The following IFT74 variants were observed in gnomAD, a reference collection of about 807,000 sequenced individuals.
IFT74 encodes intraflagellar transport 74.
IFT74 carries 92 observed loss-of-function variants against 96.7 expected under a neutral mutation model. The ratio of observed to expected loss-of-function variants is 0.95; its 90% CI spans 0.80 to 1.13. IFT74 has a LOEUF of 1.13. Ranked by LOEUF, IFT74 falls within the 50% of genes most tolerant of loss-of-function variation. The probability of loss-of-function intolerance (pLI) is 0.00; values close to 1 mark genes in which losing one functional copy is unlikely to be tolerated. For synonymous variants in IFT74, 223 were observed against 213.2 expected, an observed-to-expected ratio of 1.05 and a Z score of -0.40; for missense variants, 811 against 698.2, an observed-to-expected ratio of 1.16 and a Z score of -1.82.
intron 2 of IFT74, among the ~76,000 whole-genome samples, chr9:26,963,592 C>T (rs1446840070): frequency 6.6e-6 from 1 of 150,982 alleles, no homozygotes; most frequent in African/African-American, 2.4e-5. Context: ...AAAAGTGTTC[C>T]TATTTCTCCA....
chr9:26,950,666 T>C (rs1825905276), intron 1 of IFT74, among the ~76,000 whole-genome samples: 1 of 152,226 alleles, frequency 6.6e-6, no homozygotes, highest in Non-Finnish European at 1.5e-5. Context: ...TCTGCAAAGG[T>C]AGTTTAAGTG....
At position 26,983,610 on chromosome 9, in the gene IFT74, A is replaced by G. The variant is rs188149357; in HGVS notation, c.306-647A>G. Among the ~76,000 whole-genome samples, 53 of 152,248 alleles carry G rather than the reference A, an allele frequency of 3.5e-4. No individual in the cohort carries two copies. In the East Asian group the frequency reaches 8.7e-3, roughly 25 times the overall value. ...GTTGAGAAACTGTGCTCTAGAGGGT[A>G]GTAGCAGCTGTGATGATGACAGTTA... On this transcript the variant is annotated intron_variant, in intron 4 of 19. Transcript: ENST00000380062.
At chr9:27,036,067 C>T (rs150315672) in intron 13 of IFT74, among the ~76,000 whole-genome samples, 1 of 152,130 alleles carries the variant, frequency 6.6e-6, no homozygotes, top group Non-Finnish European at 1.5e-5. Flanking sequence ...ATAAAGTAAG[C>T]TAGAGAAAAG....
At chr9:26,987,811 A>C (rs1454462791) in intron 6 of IFT74, among the ~76,000 whole-genome samples, 1 of 152,260 alleles carries the variant, frequency 6.6e-6, no homozygotes, top group African/African-American at 2.4e-5. Flanking sequence ...CTATGTTGAC[A>C]ACTGATATCC....
chr9:26,997,295 T>C (rs1828209267), intron 8 of IFT74, among the ~76,000 whole-genome samples: 1 of 152,040 alleles, frequency 6.6e-6, no homozygotes, highest in Admixed American at 6.6e-5. Flanking sequence ...TTAGTGTTTC[T>C]TCCTGTTTTG....
intron 2 of IFT74, among the ~76,000 whole-genome samples, chr9:26,963,356 C>G (rs1369521589): frequency 6.6e-6 from 1 of 151,726 alleles, no homozygotes; most frequent in Non-Finnish European, 1.5e-5. Context: ...TCCAGTCTAT[C>G]ATTGTTGGAC....
chr9:27,011,054 T>G (rs2131605299), intron 9 of IFT74, among the ~76,000 whole-genome samples: 1 of 152,160 alleles, frequency 6.6e-6, no homozygotes, highest in African/African-American at 2.4e-5. Flanking sequence ...GAAGAAAAAG[T>G]ATGGCCTGGC....
At chr9:27,023,600 T>A (rs545723600) in intron 12 of IFT74, among the ~76,000 whole-genome samples, 1 of 152,294 alleles carries the variant, frequency 6.6e-6, no homozygotes, top group East Asian at 1.9e-4. Flanking sequence ...TCATTAGGGA[T>A]GTTGGTCCAT....
intron 8 of IFT74, among the ~76,000 whole-genome samples, chr9:27,005,331 G>T (rs1828710212): frequency 1.8e-4 from 19 of 105,948 alleles, no homozygotes; most frequent in Admixed American, 6.3e-4. Context: ...TTATAAATTT[G>T]ATTGGCTAGA....
Position 27,048,207 on chromosome 9 carries a change from G to C in IFT74, c.1266G>C (p.Gln422His). The change falls in exon 16 of 20, where the codon CAG becomes CAC. Residue 422 changes from glutamine (Q) to histidine (H), a missense_variant. By Grantham distance (24) the Gln-to-His change is conservative (BLOSUM62 0). Coordinates refer to ENST00000380062, the MANE Select transcript of IFT74 (RefSeq NM_025103.4). ...CCAATCAAGAGCTAAAGATGATGCA[G>C]GATGACCTCAATTTTAAATCTACTG... The part of the protein sequence containing the change: ...SITNQELKMM[Q>H]DDLNFKSTEV... The C allele has an allele frequency of 6.2e-7, 1 of 1,603,852 alleles. No homozygotes were observed. The highest frequency in any genetic ancestry group is 8.5e-7 in the Non-Finnish European group (1 of 1,171,888).
chr9:27,038,835 T>A (rs954419258), intron 13 of IFT74, among the ~76,000 whole-genome samples: 7 of 152,190 alleles, frequency 4.6e-5, no homozygotes, highest in African/African-American at 1.7e-4. Flanking sequence ...GATCCTTCAG[T>A]GGAACAAAGC....
chr9:26,960,409 A>G (rs1345283581), intron 1 of IFT74, among the ~76,000 whole-genome samples: 1 of 152,216 alleles, frequency 6.6e-6, no homozygotes, highest in Non-Finnish European at 1.5e-5. Flanking sequence ...GTAAACACAT[A>G]TGTGTAAATT....
At chr9:27,045,716 T>C (rs1387658469) in intron 14 of IFT74, among the ~76,000 whole-genome samples, 1 of 152,212 alleles carries the variant, frequency 6.6e-6, no homozygotes, top group African/African-American at 2.4e-5. Context: ...TCTAGCGAAG[T>C]GCTAGAATTT....
intron 2 of IFT74, among the ~76,000 whole-genome samples, chr9:26,969,718 T>C (rs1826801237): frequency 6.6e-6 from 1 of 152,122 alleles, no homozygotes; most frequent in South Asian, 2.1e-4. Context: ...GATTATTTTG[T>C]CCTCTTCCTT....
chr9:27,004,540 A>C lies in IFT74; in HGVS notation c.588-4480A>C, dbSNP rs117107936. On this transcript the variant is annotated intron_variant, in intron 8 of 19. Coordinates refer to ENST00000380062, the MANE Select transcript of IFT74 (RefSeq NM_025103.4). ...CCCAGACAAAGCATTTGCTAGCATT[A>C]TTGGGTGTCTTTAAAAAAAGAAAAT... 3.5e-3 allele frequency among the ~76,000 whole-genome samples: 529 copies of C among 152,330 alleles called. 4 individuals are homozygous for C. Among genetic ancestry groups the C allele is most frequent in the Non-Finnish European group, 4.8e-3 (325 of 68,028 alleles).
At chr9:27,057,446 A>G (rs1195049924) in intron 18 of IFT74, among the ~76,000 whole-genome samples, 1 of 152,236 alleles carries the variant, frequency 6.6e-6, no homozygotes, top group Non-Finnish European at 1.5e-5. Flanking sequence ...TGAATGAAGC[A>G]TTATGTGTCA....
intron 9 of IFT74, among the ~76,000 whole-genome samples, chr9:27,010,197 G>C (rs1246579415): frequency 6.6e-6 from 1 of 151,628 alleles, no homozygotes; most frequent in East Asian, 2.0e-4. Context: ...CACCGTGTTA[G>C]TCAGGATGGT....
Position 27,022,507 on chromosome 9 carries a change from G to A in IFT74, c.974+3820G>A, listed in dbSNP as rs139039065. Among the ~76,000 whole-genome samples the A allele has an allele frequency of 9.9e-3, 1,503 of 152,030 alleles. 29 individuals carry two copies. The highest frequency in any genetic ancestry group is 0.035 in the African/African-American group (1,431 of 41,476). Reference sequence around the variant, plus strand: ...GTTTTTGTCATCTATGATTTCTTTCGGCAGTGTTTTGTAGTTTTCCTTGTA... The same window carrying A: ...GTTTTTGTCATCTATGATTTCTTTCAGCAGTGTTTTGTAGTTTTCCTTGTA... On this transcript the variant is annotated intron_variant, in intron 12 of 19. Transcript: ENST00000380062.
At chr9:27,017,214 T>TGTA (rs1800593189) in intron 11 of IFT74, among the ~76,000 whole-genome samples, 164 bp downstream of exon 11, 2 of 151,566 alleles carry the variant, frequency 1.3e-5, no homozygotes, top group African/African-American at 4.8e-5. Flanking sequence ...TTCTTCCTCT[T>TGTA]TTATTATTAT....
Sources: gnomAD v4.1 joint callset for allele counts (sites outside exome capture counted in the v4.1 genomes callset) on GRCh38, gnomAD v4.1.1 for gene constraint, MANE v1.5 for transcripts, NCBI Gene and HGNC (gene_info 2026-07-23, HGNC 2026-07-21) for gene names.